The following DCTN2 variants were observed in gnomAD, a reference collection of about 807,000 sequenced individuals.
DCTN2 encodes 50 kDa dynein-associated polypeptide.
DCTN2 carries 18 observed loss-of-function variants against 55.4 expected under a neutral mutation model. The observed-to-expected ratio is 0.32, with a 90% CI of 0.22 to 0.48. The LOEUF is 0.48. Among genes scored for constraint, DCTN2 ranks in the 20% least tolerant of loss-of-function variants. DCTN2 has a pLI of 0.99. For missense variants in DCTN2, 390 were observed against 491.0 expected, an observed-to-expected ratio of 0.79 and a Z score of 1.94; for synonymous variants, 168 against 185.2, an observed-to-expected ratio of 0.91 and a Z score of 0.76.
chr12:57,539,449 G>A (rs1281153211), intron 2 of DCTN2, among the ~76,000 whole-genome samples: 2 of 152,172 alleles, frequency 1.3e-5, no homozygotes, highest in Admixed American at 6.5e-5. Flanking sequence ...AAACAAAGGG[G>A]AAGGGTGAGA....
chr12:57,539,666 G>A (rs774946496), intron 2 of DCTN2, among the ~76,000 whole-genome samples: 3 of 152,136 alleles, frequency 2.0e-5, no homozygotes, highest in Non-Finnish European at 1.5e-5. Context: ...CTTTCACCAA[G>A]ATTTCATCCA....
chr12:57,530,627 T>G lies in DCTN2; in HGVS notation c.*62A>C. The G allele has an allele frequency of 2.2e-6, 3 of 1,393,460 alleles. No individual in the cohort carries two copies. The allele number at this position is 1,393,460 out of a possible 1,614,324, so 86.3% of individuals were successfully genotyped here. On this transcript the variant is annotated 3_prime_UTR_variant, in exon 14 of 14. Coordinates refer to ENST00000548249, the MANE Select transcript of DCTN2 (RefSeq NM_001261413.2). ...GTTATAGTAAAGGGGAAACCCTATG[T>G]AAGCTGTTAACAGAGTTCACAGGGG...
At chr12:57,546,839 G>A (rs1881208719) in intron 1 of DCTN2, among the ~76,000 whole-genome samples, 189 bp downstream of exon 1, 1 of 152,216 alleles carries the variant, frequency 6.6e-6, no homozygotes, top group Non-Finnish European at 1.5e-5. Context: ...CTGGTGCGCC[G>A]TCCGGCGGCC....
chr12:57,532,740 C>G lies in DCTN2; in HGVS notation c.845G>C (p.Arg282Pro). ...DLAVLDQVEA[R>P]LQSVLGKVNE... Reference sequence around the variant, plus strand: ...TTTCCCTCCATTTAATACCTGTAGCCGAGCCTCCACTTGATCCAAAACTGC... The same window carrying G: ...TTTCCCTCCATTTAATACCTGTAGCGGAGCCTCCACTTGATCCAAAACTGC... The change falls in exon 10 of 14, where the codon CGG (arginine) becomes CCG (proline). Residue 282 changes from arginine (R) to proline (P), a missense_variant. Physicochemically the swap from Arg to Pro is moderately radical, Grantham distance 103. Transcript: ENST00000548249. 1.2e-6 allele frequency: 2 copies of G among 1,613,850 alleles called. No individual in the cohort carries two copies. Among genetic ancestry groups the G allele is most frequent in the Non-Finnish European group, 1.7e-6 (2 of 1,179,886 alleles).
intron 3 of DCTN2, 30 bp downstream of exon 3, chr12:57,535,719 C>T: frequency 1.9e-6 from 3 of 1,585,078 alleles, no homozygotes; most frequent in Admixed American, 1.7e-5. Flanking sequence ...CTCCAGTCTT[C>T]CCCCCACCCA....
intron 13 of DCTN2, 122 bp downstream of exon 13, chr12:57,531,893 C>G (rs540424439): frequency 7.0e-7 from 1 of 1,429,992 alleles, no homozygotes; most frequent in South Asian, 1.3e-5. Flanking sequence ...ATGGAGACTC[C>G]AGACCAACCC....
intron 2 of DCTN2, among the ~76,000 whole-genome samples, chr12:57,544,379 T>A (rs1880965036): frequency 7.6e-6 from 1 of 130,948 alleles, no homozygotes; most frequent in Non-Finnish European, 1.6e-5. Flanking sequence ...GTTGTTATAT[T>A]GTATTTTTAA....
chr12:57,536,862 C>A (rs1880276474), intron 2 of DCTN2, among the ~76,000 whole-genome samples: 1 of 152,042 alleles, frequency 6.6e-6, no homozygotes, highest in Non-Finnish European at 1.5e-5. Flanking sequence ...AGGAGGGAGA[C>A]CCAGGAGTCC....
At chr12:57,542,130 G>T (rs1452416827) in intron 2 of DCTN2, among the ~76,000 whole-genome samples, 1 of 152,056 alleles carries the variant, frequency 6.6e-6, no homozygotes, top group East Asian at 1.9e-4. Context: ...CAAAAAATTA[G>T]CCGGGTGTGG....
At chr12:57,542,993 G>C (rs1483341565) in intron 2 of DCTN2, 2 of 455,852 alleles carry the variant, frequency 4.4e-6, no homozygotes, top group African/African-American at 4.0e-5. Context: ...TTTAAAAACT[G>C]ATAAAATTAA....
Position 57,533,988 on chromosome 12 carries a change from G to A in DCTN2, c.634C>T (p.Arg212Trp), listed in dbSNP as rs374804015. The change falls in exon 7 of 14, where the codon CGG becomes TGG. Residue 212 changes from arginine (R) to tryptophan (W), a missense_variant. Physicochemically the swap from Arg to Trp is moderately radical, Grantham distance 101. Transcript: ENST00000548249. ...TGAGAGAACTTGTCCTGCTCAGGCC[G>A]AGAATGTAGTTCATAAGTGACAAGG... Reference protein sequence around the residue: ...SSLVTYELHSRPEQDKFSQAA... With the variant: ...SSLVTYELHSWPEQDKFSQAA... The A allele has an allele frequency of 3.1e-6, 5 of 1,613,326 alleles. No individual in the cohort carries two copies. The highest frequency in any genetic ancestry group is 2.7e-5 in the African/African-American group (2 of 74,894).
intron 13 of DCTN2, among the ~76,000 whole-genome samples, chr12:57,531,561 G>T (rs1344013169): frequency 6.6e-6 from 1 of 152,080 alleles, no homozygotes; most frequent in African/African-American, 2.4e-5. Flanking sequence ...TGTGTGCCAG[G>T]CATTACTAAA....
chr12:57,536,504 T>C (rs1343762068), intron 2 of DCTN2, among the ~76,000 whole-genome samples: 1 of 152,120 alleles, frequency 6.6e-6, no homozygotes, highest in Non-Finnish European at 1.5e-5. Flanking sequence ...GCAACAAACA[T>C]AGGCAATATC....
rs148279292 is a variant in DCTN2, at chr12:57,532,490, G to A, written c.924+82C>T. 1.2e-4 allele frequency: 183 copies of A among 1,476,992 alleles called. 1 individual carries two copies. The East Asian group carries it at 3.3e-3, about 27-fold the overall frequency. The allele number at this position is 1,476,992 out of a possible 1,614,324, so 91.5% of individuals were successfully genotyped here. ...GCTTATGAAGATGGGGACCTGAGGAGTCAGTGTGTTCTCATGCTTTGACAC... is the reference window on the plus strand; with the variant it reads ...GCTTATGAAGATGGGGACCTGAGGAATCAGTGTGTTCTCATGCTTTGACAC... On this transcript the variant is annotated intron_variant, in intron 11 of 13. Transcript: ENST00000548249.
chr12:57,542,934 T>A (rs1370560283), intron 2 of DCTN2: 2 of 456,058 alleles, frequency 4.4e-6, no homozygotes, highest in East Asian at 1.4e-4. Context: ...AGGCAGATTT[T>A]TCACTACTTA....
At chr12:57,530,900 G>C in intron 13 of DCTN2, 125 bp from the exon 14 acceptor site, 1 of 836,810 alleles carries the variant, frequency 1.2e-6, no homozygotes, top group Non-Finnish European at 2.0e-6. Context: ...CACAGAGGGG[G>C]GATGTTTATA....
chr12:57,532,863 G>C, intron 9 of DCTN2, 53 bp from the exon 10 acceptor site: 1 of 1,608,382 alleles, frequency 6.2e-7, no homozygotes. Flanking sequence ...AGACTAGCAA[G>C]AGGCCTCCCA....
chr12:57,537,332 T>C (rs192350281), intron 2 of DCTN2, among the ~76,000 whole-genome samples: 1 of 109,970 alleles, frequency 9.1e-6, no homozygotes, highest in African/African-American at 3.6e-5. Context: ...AGACCCTGTC[T>C]CAAAAAAAGA....
intron 5 of DCTN2, 48 bp downstream of exon 5, chr12:57,535,008 C>T (rs755299415): frequency 2.0e-6 from 3 of 1,486,528 alleles, no homozygotes; most frequent in Admixed American, 3.5e-5. Context: ...AGGTCTTCCT[C>T]TACTGTGTAA....
Sources: gnomAD v4.1 joint callset for allele counts (sites outside exome capture counted in the v4.1 genomes callset) on GRCh38, gnomAD v4.1.1 for gene constraint, MANE v1.5 for transcripts, NCBI Gene and HGNC (gene_info 2026-07-23, HGNC 2026-07-21) for gene names.